EPHA7: variants seen among roughly 807,000 people sequenced by gnomAD.
EPHA7 encodes EPH receptor A7, also known as ephrin type-A receptor 7.
EPHA7 carries 25 observed loss-of-function variants against 112.6 expected under a neutral mutation model. The observed-to-expected ratio is 0.22, with a 90% CI of 0.16 to 0.31. The LOEUF (loss-of-function observed/expected upper bound fraction) is 0.31, where lower values mean the gene tolerates loss of function less well. EPHA7 is among the 10% of genes least tolerant of loss of function. The pLI, the probability that EPHA7 is intolerant of heterozygous loss-of-function variation, is 1.00. For synonymous variants in EPHA7, 437 were observed against 406.5 expected (o/e 1.07, Z -0.90); for missense variants, 962 against 1,212.6 (o/e 0.79, Z 3.07).
intron 3 of EPHA7, among the ~76,000 whole-genome samples, 185 bp from the exon 4 acceptor site, chr6:93,358,596 A>C (rs1776080026): frequency 6.6e-6 from 1 of 152,238 alleles, no homozygotes; most frequent in South Asian, 2.1e-4. Context: ...CTTAAAACAA[A>C]ATAATACAAA....
chr6:93,247,382 A>G (rs1354660300), intron 14 of EPHA7, among the ~76,000 whole-genome samples: 1 of 152,252 alleles, frequency 6.6e-6, no homozygotes, highest in Non-Finnish European at 1.5e-5. Context: ...TGAGTTACCC[A>G]GAATGAGCCA....
intron 9 of EPHA7, among the ~76,000 whole-genome samples, chr6:93,261,114 A>G (rs574348082): frequency 1.3e-5 from 2 of 151,674 alleles, no homozygotes; most frequent in Non-Finnish European, 3.0e-5. Context: ...AACATGAAAT[A>G]CTGCCCAGCT....
chr6:93,247,717 C>G (rs1770020381), intron 14 of EPHA7, among the ~76,000 whole-genome samples: 2 of 152,192 alleles, frequency 1.3e-5, no homozygotes, highest in South Asian at 4.1e-4. Flanking sequence ...CACTGCCTAT[C>G]TAATAGGCAT....
At chr6:93,388,366 T>C (rs1259030870) in intron 3 of EPHA7, among the ~76,000 whole-genome samples, 1 of 152,118 alleles carries the variant, frequency 6.6e-6, no homozygotes, top group Admixed American at 6.6e-5. Flanking sequence ...TTATTATCAA[T>C]ATTACCATCA....
chr6:93,389,626 A>G lies in EPHA7; in HGVS notation c.832+20875T>C, dbSNP rs1410580800. Among the ~76,000 whole-genome samples, 3 of 152,218 alleles carry G rather than the reference A, an allele frequency of 2.0e-5. No homozygotes were observed. In the East Asian group the frequency reaches 5.8e-4, roughly 29 times the overall value. ...AATTCTTGTCAGAGGAAAAATAAGC[A>G]AGTAAAAATAGAACAAACGTTGGAA... On this transcript the variant is annotated intron_variant, in intron 3 of 16. Transcript: ENST00000369303.
chr6:93,353,290 T>A lies in EPHA7; in HGVS notation c.1324+3427A>T, dbSNP rs186737966. On this transcript the variant is annotated intron_variant, in intron 5 of 16. Transcript: ENST00000369303. The stretch of plus-strand genomic sequence containing the variant: ...TAACAAAACAACAAGAACAAAAATG[T>A]ATGGTTCAGCCAGCTTGTGTATGGC... Among the ~76,000 whole-genome samples, 62 of 152,216 alleles carry A rather than the reference T, an allele frequency of 4.1e-4. 1 individual carries two copies. Among genetic ancestry groups the A allele is most frequent in the Non-Finnish European group, 1.0e-4 (7 of 67,992 alleles).
intron 5 of EPHA7, among the ~76,000 whole-genome samples, chr6:93,288,345 G>A (rs76388019): frequency 0.038 from 5,804 of 152,226 alleles, 376 homozygotes; most frequent in African/African-American, 0.13. Flanking sequence ...TATATGACAT[G>A]TCTAGAACAG....
At chr6:93,338,190 T>C (rs1027971114) in intron 5 of EPHA7, among the ~76,000 whole-genome samples, 2 of 152,132 alleles carry the variant, frequency 1.3e-5, no homozygotes, top group Non-Finnish European at 2.9e-5. Flanking sequence ...GTCATTCATA[T>C]GCAATTCCAT....
In EPHA7 at chr6:93,350,456, C is replaced by T. The variant is rs190992628; in HGVS notation, c.1324+6261G>A. Among the ~76,000 whole-genome samples, 514 of 152,056 alleles carry T rather than the reference C, an allele frequency of 3.4e-3. 1 individual carries two copies. Among genetic ancestry groups the T allele is most frequent in the Non-Finnish European group, 6.0e-3 (406 of 67,938 alleles). On this transcript the variant is annotated intron_variant, in intron 5 of 16. Coordinates refer to ENST00000369303, the MANE Select transcript of EPHA7 (RefSeq NM_004440.4). ...ACCGTGTGACCTTTGTAAAGTCATT[C>T]GAACCCTCAAAATTTTACTTTTAAA...
intron 3 of EPHA7, among the ~76,000 whole-genome samples, chr6:93,378,829 T>G (rs1777188962): frequency 6.6e-6 from 1 of 152,172 alleles, no homozygotes; most frequent in Admixed American, 6.6e-5. Context: ...TAAATTATGG[T>G]GCTTCAGGAT....
In EPHA7 at chr6:93,243,471, C is replaced by T. The variant is rs1418929572; in HGVS notation, c.2952G>A (p.Met984Ile). Residue 984 changes from methionine to isoleucine, a missense_variant, in exon 17 of 17, where the codon ATG becomes ATA. This residue lies in a region of EPHA7 where 746 missense variants were observed against 889.2 expected (regional missense o/e 0.84). Transcript: ENST00000369303. The part of the protein sequence containing the change: ...QKKIMSSIQT[M>I]RAQMLHLHGT... ...CATGTAAATGTAGCATTTGTGCTCT[C>T]ATAGTCTGAATGCTGCTCATGATTT... 1 of 1,613,436 alleles carries T rather than the reference C, an allele frequency of 6.2e-7. No individual in the cohort carries two copies. Among genetic ancestry groups the T allele is most frequent in the Non-Finnish European group, 8.5e-7 (1 of 1,179,608 alleles).
intron 15 of EPHA7, among the ~76,000 whole-genome samples, chr6:93,245,736 G>T (rs2127845856): frequency 6.6e-6 from 1 of 152,216 alleles, no homozygotes. Flanking sequence ...GTAAATAATT[G>T]TTCATTTGCT....
chr6:93,241,656 G>A lies in EPHA7; in HGVS notation c.*1770C>T, dbSNP rs898826407. 4 of 223,624 alleles carry A rather than the reference G, an allele frequency of 1.8e-5. No individual in the cohort carries two copies. The Admixed American group carries it at 2.3e-4, about 13-fold the overall frequency. 13.9% of individuals were successfully genotyped at this position (223,624 alleles called of 1,614,324 possible). ...AAAAGGGTGGGGAGGGGTTTGGGAA[G>A]CAATCCATTTGAGTTTTTCTATAGC... On this transcript the variant is annotated 3_prime_UTR_variant, in exon 17 of 17. Transcript: ENST00000369303.
chr6:93,309,845 G>T (rs351321), intron 5 of EPHA7, among the ~76,000 whole-genome samples: 1 of 151,914 alleles, frequency 6.6e-6, no homozygotes, highest in Admixed American at 6.6e-5. Flanking sequence ...GAACAATATC[G>T]TTAAGTATTC....
At chr6:93,246,512 C>T (rs1427386970) in intron 15 of EPHA7, among the ~76,000 whole-genome samples, 2 of 152,124 alleles carry the variant, frequency 1.3e-5, no homozygotes, top group Non-Finnish European at 2.9e-5. Flanking sequence ...CTGCTGCTAT[C>T]TTATCACAAA....
chr6:93,272,538 C>T, intron 5 of EPHA7, 116 bp from the exon 6 acceptor site: 4 of 1,221,110 alleles, frequency 3.3e-6, no homozygotes, highest in East Asian at 2.4e-5. Flanking sequence ...AAAGAAAGCA[C>T]CTTTTCATAG....
chr6:93,262,586 C>T (rs140676534), intron 9 of EPHA7, among the ~76,000 whole-genome samples: 12 of 151,398 alleles, frequency 7.9e-5, no homozygotes, highest in South Asian at 6.2e-4. Context: ...AAGCCACTTC[C>T]GGGCATACAT....
At chr6:93,294,438 G>C (rs1772547866) in intron 5 of EPHA7, among the ~76,000 whole-genome samples, 1 of 151,990 alleles carries the variant, frequency 6.6e-6, no homozygotes, top group African/African-American at 2.4e-5. Flanking sequence ...TATAACTACT[G>C]ATATACTAAA....
At position 93,291,712 on chromosome 6, in the gene EPHA7, G is replaced by A. The variant is rs868765713; in HGVS notation, c.1325-19290C>T. The stretch of plus-strand genomic sequence containing the variant: ...GAACCCGGGAGGCGGAGCTGGCAGT[G>A]AGCCGAGATCCCGCCACTGCACTCC... On this transcript the variant is annotated intron_variant, in intron 5 of 16. Coordinates refer to ENST00000369303, the MANE Select transcript of EPHA7 (RefSeq NM_004440.4). Among the ~76,000 whole-genome samples, 102 of 131,484 alleles carry A rather than the reference G, an allele frequency of 7.8e-4. 1 individual carries two copies. Among genetic ancestry groups the A allele is most frequent in the African/African-American group, 1.1e-3 (38 of 34,674 alleles). The allele number at this position is 131,484 out of a possible 152,430, so 86.3% of individuals were successfully genotyped here.
Sources: gnomAD v4.1 joint callset for allele counts (sites outside exome capture counted in the v4.1 genomes callset) on GRCh38, gnomAD v4.1.1 for gene constraint, gnomAD v4.1.1 regional missense constraint, MANE v1.5 for transcripts, NCBI Gene and HGNC (gene_info 2026-07-23, HGNC 2026-07-21) for gene names.